The following CDC42BPA variants were observed in gnomAD, a reference collection of about 807,000 sequenced individuals.
CDC42BPA encodes the protein CDC42 binding protein kinase alpha.
In CDC42BPA, 80 loss-of-function variants were observed where a neutral mutation model predicts 223.5. That is an observed-to-expected ratio of 0.36 (90% confidence interval 0.30 to 0.43). The LOEUF is 0.43. CDC42BPA is among the 20% of genes least tolerant of loss of function. The probability of loss-of-function intolerance (pLI) is 1.00; values close to 1 mark genes in which losing one functional copy is unlikely to be tolerated. For synonymous variants in CDC42BPA, 694 were observed against 718.6 expected (o/e 0.97, Z 0.55); for missense variants, 1,743 against 2,099.9 (o/e 0.83, Z 3.32).
Position 227,068,159 on chromosome 1 carries a change from T to C in CDC42BPA, c.2904+1618A>G, listed in dbSNP as rs193291862. On this transcript the variant is annotated intron_variant, in intron 21 of 36. Transcript: ENST00000366766. ...GCATTAGAAATAAATCAATTAAACA[T>C]TGATTTATTTTAAAATCAGTACTCT... Among the ~76,000 whole-genome samples the C allele has an allele frequency of 6.0e-3, 914 of 151,376 alleles. 10 individuals carry two copies. Among genetic ancestry groups the C allele is most frequent in the African/African-American group, 0.021 (856 of 41,006 alleles).
intron 4 of CDC42BPA, among the ~76,000 whole-genome samples, chr1:227,195,178 A>C (rs185813977): frequency 2.0e-5 from 3 of 152,258 alleles, no homozygotes; most frequent in Non-Finnish European, 4.4e-5. Context: ...TGCTGTATTT[A>C]CTAGGCCCAA....
In CDC42BPA at chr1:227,065,956, G is replaced by A. The variant is rs150567094; in HGVS notation, c.2904+3821C>T. Among the ~76,000 whole-genome samples, 45 of 152,198 alleles carry A rather than the reference G, an allele frequency of 3.0e-4. No homozygotes were observed. In the East Asian group the frequency reaches 7.3e-3, roughly 25 times the overall value. ...TCAACATAATCTCCTCTATAGCAAC[G>A]AGACAGAAAACAAAAAAGAATGTCC... is the stretch of plus-strand genomic sequence containing the variant. On this transcript the variant is annotated intron_variant, in intron 21 of 36. Transcript: ENST00000366766.
At chr1:227,133,725 C>T (rs867818082) in intron 10 of CDC42BPA, among the ~76,000 whole-genome samples, 75 of 152,082 alleles carry the variant, frequency 4.9e-4, no homozygotes, top group Middle Eastern at 6.8e-3. Flanking sequence ...GGATTAAGGG[C>T]GGTGCAAGAT....
chr1:227,297,967 T>TATATATATATACACACACACACACAC (rs369403944), intron 1 of CDC42BPA, among the ~76,000 whole-genome samples: 1 of 132,082 alleles, frequency 7.6e-6, no homozygotes, highest in African/African-American at 2.9e-5. Flanking sequence ...TATATACATA[T>TATATATATATACACACACACACACAC]ACACACACAC....
chr1:227,268,584 ATATGTGTATATATAGTG>A (rs1363058923), intron 1 of CDC42BPA, among the ~76,000 whole-genome samples: 3 of 146,184 alleles, frequency 2.1e-5, no homozygotes, highest in South Asian at 2.2e-4. Context: ...GTGTATATAT[ATATGTGTATATATAGTG>A]TGTGTATAGT....
At position 227,148,772 on chromosome 1, in the gene CDC42BPA, C is replaced by CAAAAAAGA. The variant is rs1187846598; in HGVS notation, c.694-1214_694-1213insTCTTTTTT. On this transcript the variant is annotated intron_variant, in intron 6 of 36. Coordinates refer to ENST00000366766, the MANE Select transcript of CDC42BPA (RefSeq NM_001394014.1). The stretch of plus-strand genomic sequence containing the variant: ...ACAGAGCAAGACTCGGTCTCAAAAG[C>CAAAAAAGA]AAAAAAAAAAAAAAAAAAAAAAAAA... Among the ~76,000 whole-genome samples, 176 of 78,784 alleles carry CAAAAAAGA rather than the reference C, an allele frequency of 2.2e-3. 4 individuals are homozygous for CAAAAAAGA. The highest frequency in any genetic ancestry group is 0.013 in the Middle Eastern group (1 of 76). The allele number at this position is 78,784 out of a possible 152,430, so 51.7% of individuals were successfully genotyped here. A position where few individuals can be genotyped will look rare whatever the true frequency, so the allele number is the denominator to read the frequency against.
intron 5 of CDC42BPA, among the ~76,000 whole-genome samples, chr1:227,162,486 C>G (rs529020904): frequency 6.6e-6 from 1 of 152,166 alleles, no homozygotes; most frequent in South Asian, 2.1e-4. Context: ...TAAATGACAC[C>G]AAACTGTGCA....
chr1:227,309,491 G>A (rs1194818077), intron 1 of CDC42BPA, among the ~76,000 whole-genome samples: 1 of 152,196 alleles, frequency 6.6e-6, no homozygotes, highest in Non-Finnish European at 1.5e-5. Context: ...ATAAATAGTA[G>A]TAAAGTTCCC....
At chr1:227,149,528 A>T (rs1661336685) in intron 6 of CDC42BPA, among the ~76,000 whole-genome samples, 2 of 152,212 alleles carry the variant, frequency 1.3e-5, no homozygotes, top group Non-Finnish European at 2.9e-5. Flanking sequence ...CAACAATCAG[A>T]TCCACTCTAT....
chr1:227,172,684 C>A (rs1193432572), intron 5 of CDC42BPA, among the ~76,000 whole-genome samples: 1 of 151,732 alleles, frequency 6.6e-6, no homozygotes, highest in African/African-American at 2.4e-5. Context: ...GGAAACTGGG[C>A]GAAAGGTACA....
At position 226,994,342 on chromosome 1, in the gene CDC42BPA, G is replaced by C. The variant is rs373832771; in HGVS notation, c.5191C>G (p.Pro1731Ala). The change falls in exon 37 of 37, where the codon CCA (proline) becomes GCA (alanine). Residue 1731 changes from proline (P) to alanine (A), a missense_variant. Physicochemically the swap from Pro to Ala is conservative, Grantham distance 27. This residue lies in a region of CDC42BPA where 200 missense variants were observed against 192.8 expected (regional missense o/e 1.04). Coordinates refer to ENST00000366766, the MANE Select transcript of CDC42BPA (RefSeq NM_001394014.1). This position sits in a 1 kb window ranked among gnomAD's most constrained non-coding sequence, Gnocchi z 4.0. Reference sequence around the variant, plus strand: ...GTTTTTCGGGGTGAAGCTGGGCTTGGGGGGCTGCTTAGGTTGGAACTGTTG... The same window carrying C: ...GTTTTTCGGGGTGAAGCTGGGCTTGCGGGGCTGCTTAGGTTGGAACTGTTG... ...ASNSSNLSSP[P>A]SPASPRKTKS... 2.0e-5 allele frequency: 32 copies of C among 1,597,688 alleles called. No homozygotes were observed. The highest frequency in any genetic ancestry group is 1.8e-4 in the East Asian group (8 of 44,466).
At chr1:227,070,369 C>T (rs1401903544) in intron 20 of CDC42BPA, among the ~76,000 whole-genome samples, 2 of 151,034 alleles carry the variant, frequency 1.3e-5, no homozygotes, top group African/African-American at 2.4e-5. Flanking sequence ...ATGAAGACTC[C>T]AAACCCCAGT....
intron 23 of CDC42BPA, among the ~76,000 whole-genome samples, chr1:227,041,555 A>T (rs1451374706): frequency 6.6e-6 from 1 of 152,232 alleles, no homozygotes; most frequent in Admixed American, 6.5e-5. Context: ...AATTCAAGTT[A>T]AAAATAAATC....
intron 12 of CDC42BPA, among the ~76,000 whole-genome samples, chr1:227,116,319 A>G (rs931080910): frequency 2.0e-5 from 3 of 152,232 alleles, no homozygotes; most frequent in Admixed American, 1.3e-4. Flanking sequence ...TCATATAATC[A>G]TATCAATAGA....
chr1:227,063,174 CTT>C (rs1487380637), intron 21 of CDC42BPA, among the ~76,000 whole-genome samples: 1 of 152,172 alleles, frequency 6.6e-6, no homozygotes, highest in African/African-American at 2.4e-5. Flanking sequence ...CACCCACACA[CTT>C]TCTCTCTCAT....
chr1:227,242,933 G>A (rs1680259826), intron 2 of CDC42BPA, among the ~76,000 whole-genome samples: 1 of 152,132 alleles, frequency 6.6e-6, no homozygotes. Flanking sequence ...TAAATGCCCA[G>A]AATGGTAGAC....
chr1:227,309,163 C>G (rs1573001694), intron 1 of CDC42BPA, among the ~76,000 whole-genome samples: 1 of 139,308 alleles, frequency 7.2e-6, no homozygotes, highest in African/African-American at 2.7e-5. Flanking sequence ...GCTAGGAGTT[C>G]AAGACCAGCG....
chr1:227,151,185 C>G (rs959476892), intron 6 of CDC42BPA, among the ~76,000 whole-genome samples: 2 of 152,104 alleles, frequency 1.3e-5, no homozygotes, highest in African/African-American at 2.4e-5. Context: ...ACCCTGGAAG[C>G]CACCATTGTA....
rs560574580 is a variant in CDC42BPA, at chr1:227,191,222, G to A, written c.599+2564C>T. On this transcript the variant is annotated intron_variant, in intron 5 of 36. Transcript: ENST00000366766. ...TAGCCAGGCTTCATGGCGCATGACT[G>A]TAATCCCAGCTACTCAGGAGGCTGA... Among the ~76,000 whole-genome samples, 4 of 152,076 alleles carry A rather than the reference G, an allele frequency of 2.6e-5. No homozygotes were observed. In the South Asian group the frequency reaches 8.3e-4, roughly 32 times the overall value.
Sources: allele counts gnomAD v4.1 joint callset (sites outside exome capture counted in the v4.1 genomes callset), GRCh38; gene constraint gnomAD v4.1.1; regional missense constraint gnomAD v4.1.1; non-coding constraint Gnocchi (gnomAD v3.1); transcripts MANE v1.5; gene names NCBI Gene and HGNC (gene_info 2026-07-23, HGNC 2026-07-21).